GRM1: variants seen among roughly 807,000 people sequenced by gnomAD.
The protein encoded by GRM1 is metabotropic glutamate receptor 1.
A neutral mutation model predicts 90.9 loss-of-function variants in GRM1; 33 were observed. That is an observed-to-expected ratio of 0.36 (90% CI 0.28 to 0.49). The LOEUF is 0.49. Ranked by LOEUF, GRM1 falls within the 20% of genes least tolerant of loss-of-function variation. GRM1 has a pLI of 0.99. For synonymous variants in GRM1, 700 were observed against 613.2 expected, an observed-to-expected ratio of 1.14 and a Z score of -2.09; for missense variants, 1,190 against 1,534.3, an observed-to-expected ratio of 0.78 and a Z score of 3.75.
chr6:146,408,841 T>C (rs1777453072), intron 7 of GRM1, among the ~76,000 whole-genome samples: 1 of 152,108 alleles, frequency 6.6e-6, no homozygotes, highest in Non-Finnish European at 1.5e-5. Flanking sequence ...CTAGCCTTAG[T>C]GTCCAGTGTA....
rs761933016 is a variant in GRM1 at position 146,386,953 on chromosome 6, G to A, written c.1666G>A (p.Val556Met). 7 of 1,612,512 alleles carry A rather than the reference G, an allele frequency of 4.3e-6. No homozygotes were observed. The Admixed American group carries it at 8.3e-5, about 19-fold the overall frequency. Residue 556 changes from valine to methionine, a missense_variant, in exon 6 of 8, where the codon GTG becomes ATG. Coordinates refer to ENST00000282753, the MANE Select transcript of GRM1 (RefSeq NM_001278064.2). ...CACGGCCTGCAAAGAGAATGAATAT[G>A]TGCAAGATGAGTTCACCTGCAAAGC... is the stretch of plus-strand genomic sequence containing the variant. ...ICTACKENEY[V>M]QDEFTCKACD... is the part of the protein sequence containing the mutation.
intron 6 of GRM1, among the ~76,000 whole-genome samples, chr6:146,397,488 A>AAAAAAAAAAAAAAAAAAAAAAAAAAAAT (rs1777005008): frequency 6.6e-6 from 1 of 150,390 alleles, no homozygotes; most frequent in Non-Finnish European, 1.5e-5. Context: ...AAAAAAGAAA[A>AAAAAAAAAAAAAAAAAAAAAAAAAAAAT]AAAAAAAAAA....
At chr6:146,084,161 T>C (rs1387289604) in intron 1 of GRM1, among the ~76,000 whole-genome samples, 1 of 152,170 alleles carries the variant, frequency 6.6e-6, no homozygotes. Context: ...TCTATCTATT[T>C]TGTCAATTTT....
intron 1 of GRM1, among the ~76,000 whole-genome samples, chr6:146,094,106 T>A (rs554083604): frequency 6.6e-6 from 1 of 152,204 alleles, no homozygotes; most frequent in Non-Finnish European, 1.5e-5. Context: ...TTCTTAGATA[T>A]AAATAAAACT....
intron 7 of GRM1, among the ~76,000 whole-genome samples, chr6:146,403,283 C>T (rs934029470): frequency 9.9e-5 from 15 of 152,066 alleles, no homozygotes; most frequent in African/African-American, 3.1e-4. Context: ...TCTAACATCT[C>T]TAGTTAATTC....
At chr6:146,306,588 A>G (rs1783587877) in intron 3 of GRM1, among the ~76,000 whole-genome samples, 1 of 152,152 alleles carries the variant, frequency 6.6e-6, no homozygotes, top group Non-Finnish European at 1.5e-5. Flanking sequence ...TACAACATGG[A>G]TCTCTGGGAG....
At chr6:146,323,747 C>T (rs1424604886) in intron 3 of GRM1, among the ~76,000 whole-genome samples, 1 of 152,134 alleles carries the variant, frequency 6.6e-6, no homozygotes, top group African/African-American at 2.4e-5. Flanking sequence ...AGTCTTTAAT[C>T]CATCTTGAAT....
At chr6:146,429,086 G>A (rs1778314839) in intron 7 of GRM1, among the ~76,000 whole-genome samples, 1 of 152,010 alleles carries the variant, frequency 6.6e-6, no homozygotes, top group South Asian at 2.1e-4. Flanking sequence ...TTGATCTAAA[G>A]ATCCTAAAAG....
Position 146,304,717 on chromosome 6 carries a change from T to G in GRM1, c.1057T>G (p.Tyr353Asp). ...QSPEVRSFDDYFLKLRLDTNT... is the reference protein window; with the variant it reads ...QSPEVRSFDDDFLKLRLDTNT... ...TCCAGAGGTCAGGTCATTTGATGATTATTTCCTGAAACTGAGGCTGGACAC... is the reference window on the plus strand; with the variant it reads ...TCCAGAGGTCAGGTCATTTGATGATGATTTCCTGAAACTGAGGCTGGACAC... Residue 353 changes from tyrosine to aspartate, a missense_variant, in exon 3 of 8, where the codon TAT (tyrosine) becomes GAT (aspartate). By Grantham distance (160) the Tyr-to-Asp change is radical. Transcript: ENST00000282753. 6.2e-7 allele frequency: 1 copy of G among 1,613,896 alleles called. No individual in the cohort carries two copies. Among genetic ancestry groups the G allele is most frequent in the Non-Finnish European group, 8.5e-7 (1 of 1,179,850 alleles).
At position 146,434,493 on chromosome 6, in the gene GRM1, G is replaced by GGAC. The variant is rs750936487; in HGVS notation, c.3295_3297dup (p.Asp1099dup). On this transcript the variant is annotated inframe_insertion, in exon 8 of 8. Transcript: ENST00000282753. ...GGGAGGAGCTGGTCTCCCCGCCCGCGGACGACGACGACGACAGCGAGAGGT... is the reference window on the plus strand; with the variant it reads ...GGGAGGAGCTGGTCTCCCCGCCCGCGGACGACGACGACGACGACAGCGAGAGGT... The GGAC allele has an allele frequency of 1.8e-5, 29 of 1,614,002 alleles. No individual in the cohort carries two copies. The highest frequency in any genetic ancestry group is 1.2e-4 in the South Asian group (11 of 91,084).
At chr6:146,132,368 A>C (rs1273772961) in intron 1 of GRM1, among the ~76,000 whole-genome samples, 3 of 152,212 alleles carry the variant, frequency 2.0e-5, no homozygotes, top group Admixed American at 1.3e-4. Context: ...TAATACAGAT[A>C]GATTCAACAT....
At chr6:146,388,181 CACTT>C (rs1228927457) in intron 6 of GRM1, among the ~76,000 whole-genome samples, 2 of 151,958 alleles carry the variant, frequency 1.3e-5, no homozygotes, top group African/African-American at 4.8e-5. Flanking sequence ...AGTACATAGA[CACTT>C]TGTCATCTGA....
At chr6:146,079,258 G>A (rs9322047) in intron 1 of GRM1, among the ~76,000 whole-genome samples, 57,623 of 152,072 alleles carry the variant, frequency 0.38, 11,520 homozygotes, top group Middle Eastern at 0.51. Context: ...AGCAGCATGC[G>A]GTTTCAGAAG....
intron 3 of GRM1, among the ~76,000 whole-genome samples, chr6:146,327,102 G>T (rs932569614): frequency 6.6e-6 from 1 of 152,070 alleles, no homozygotes; most frequent in Non-Finnish European, 1.5e-5. Flanking sequence ...GTTTTGATAC[G>T]TTATTAACTA....
intron 1 of GRM1, among the ~76,000 whole-genome samples, chr6:146,154,083 C>G (rs938355050): frequency 6.6e-6 from 1 of 152,116 alleles, no homozygotes; most frequent in Non-Finnish European, 1.5e-5. Flanking sequence ...GCCTAAGGGT[C>G]TTTATTAGGT....
chr6:146,252,760 T>C (rs908891033), intron 2 of GRM1, among the ~76,000 whole-genome samples: 10 of 151,890 alleles, frequency 6.6e-5, no homozygotes, highest in African/African-American at 2.4e-4. Flanking sequence ...ATACCTTAAG[T>C]TTAAAAATAT....
intron 3 of GRM1, among the ~76,000 whole-genome samples, chr6:146,315,261 C>T (rs1783927077): frequency 6.6e-6 from 1 of 152,038 alleles, no homozygotes; most frequent in African/African-American, 2.4e-5. Flanking sequence ...CTAACATGCA[C>T]CTGTAGTCCT....
At chr6:146,385,391 A>G (rs747235674) in intron 5 of GRM1, among the ~76,000 whole-genome samples, 8 of 152,042 alleles carry the variant, frequency 5.3e-5, no homozygotes, top group Non-Finnish European at 1.2e-4. Flanking sequence ...CCCTAGGACA[A>G]TGGAATGACA....
upstream of GRM1, among the ~76,000 whole-genome samples, chr6:146,028,508 A>AC (rs1355985581): frequency 6.0e-5 from 9 of 150,538 alleles, no homozygotes; most frequent in East Asian, 1.4e-3. Flanking sequence ...CAAGCGCAGG[A>AC]CCCCCCCTAA....
Sources: gnomAD v4.1 joint callset for allele counts (sites outside exome capture counted in the v4.1 genomes callset) on GRCh38, gnomAD v4.1.1 for gene constraint, MANE v1.5 for transcripts, NCBI Gene and HGNC (gene_info 2026-07-23, HGNC 2026-07-21) for gene names.